RGS6: variants seen among roughly 807,000 people sequenced by gnomAD.
The protein encoded by RGS6 is regulator of G protein signaling 6.
Under a neutral mutation model 78.5 loss-of-function variants are expected in RGS6, and 30 were observed. The observed-to-expected ratio is 0.38, with a 90% confidence interval of 0.29 to 0.52. RGS6 has a LOEUF of 0.52. Among genes scored for constraint, RGS6 ranks in the 20% least tolerant of loss-of-function variants. The pLI is 0.85. For missense variants in RGS6, 495 were observed against 609.7 expected (o/e 0.81, Z 1.98); for synonymous variants, 206 against 206.0 (o/e 1.00, Z 0.00).
intron 2 of RGS6, among the ~76,000 whole-genome samples, chr14:72,184,369 AACACACACACACACACACACACACAC>A (rs10638767): frequency 7.1e-6 from 1 of 141,284 alleles, no homozygotes; most frequent in Non-Finnish European, 1.5e-5. Flanking sequence ...TTTACTTTCA[AACACACACACACACACACACACACAC>A]ACACACACAC....
intron 2 of RGS6, among the ~76,000 whole-genome samples, chr14:72,275,866 G>C (rs948642590): frequency 6.6e-6 from 1 of 152,168 alleles, no homozygotes; most frequent in South Asian, 2.1e-4. Context: ...AGCAGCTTTG[G>C]AGGGTACCTC....
intron 3 of RGS6, among the ~76,000 whole-genome samples, chr14:72,410,323 G>T (rs1393174718): frequency 9.2e-5 from 14 of 152,224 alleles, no homozygotes; most frequent in Non-Finnish European, 1.5e-5. Context: ...GGCCAGTGAT[G>T]ATGAGCATTT....
At chr14:72,252,448 T>C (rs973656581) in intron 2 of RGS6, among the ~76,000 whole-genome samples, 1 of 152,206 alleles carries the variant, frequency 6.6e-6, no homozygotes, top group African/African-American at 2.4e-5. Context: ...TTAGTGCTGA[T>C]CCCATTATAT....
chr14:72,081,623 T>C (rs1212248201), intron 2 of RGS6, among the ~76,000 whole-genome samples: 2 of 152,056 alleles, frequency 1.3e-5, no homozygotes, highest in African/African-American at 4.8e-5. Flanking sequence ...TTACTTCTCT[T>C]GTCTGAATGG....
At chr14:72,487,965 G>T (rs988581085) in intron 12 of RGS6, among the ~76,000 whole-genome samples, 9 of 152,132 alleles carry the variant, frequency 5.9e-5, no homozygotes, top group African/African-American at 2.2e-4. Context: ...CTGACTAGGA[G>T]TGCCTCTTAT....
chr14:71,981,871 A>G (rs4335721), intron 2 of RGS6, among the ~76,000 whole-genome samples: 49,914 of 128,224 alleles, frequency 0.39, 9,395 homozygotes, highest in East Asian at 0.48. Flanking sequence ...AATGGTGGGC[A>G]CCCCTCCCCC....
chr14:71,908,611 CACAATGAGGCCA>C, the RGS6 span, among the ~76,000 whole-genome samples: 1 of 152,110 alleles, frequency 6.6e-6, no homozygotes, highest in Non-Finnish European at 1.5e-5. Context: ...ATGTTCAGGG[CACAATGAGGCCA>C]CAGGAGGGGT....
At chr14:72,568,207 C>A (rs1292241624), downstream of RGS6, among the ~76,000 whole-genome samples, 2 of 152,192 alleles carry the variant, frequency 1.3e-5, no homozygotes, top group Non-Finnish European at 2.9e-5. Flanking sequence ...CCCAGAGCCA[C>A]CCTCATTCTG....
At chr14:72,496,358 TGG>T (rs2096645310) in intron 13 of RGS6, among the ~76,000 whole-genome samples, 1 of 152,206 alleles carries the variant, frequency 6.6e-6, no homozygotes, top group Non-Finnish European at 1.5e-5. Context: ...TAGCTTAAGA[TGG>T]TTCAGTTTCA....
At chr14:72,523,580 C>G (rs557525278) in intron 15 of RGS6, among the ~76,000 whole-genome samples, 2 of 152,280 alleles carry the variant, frequency 1.3e-5, no homozygotes, top group East Asian at 3.9e-4. Context: ...TTTGACCACA[C>G]GCATTGTTAG....
the RGS6 span, among the ~76,000 whole-genome samples, chr14:71,867,515 G>C: frequency 2.7e-4 from 41 of 152,256 alleles, no homozygotes; most frequent in African/African-American, 9.4e-4. Context: ...AAAAGCAGCT[G>C]TGTCTCACCT....
chr14:72,153,471 T>C (rs1470348312), intron 2 of RGS6, among the ~76,000 whole-genome samples: 4 of 152,218 alleles, frequency 2.6e-5, no homozygotes, highest in Non-Finnish European at 5.9e-5. Flanking sequence ...AACTTATCAG[T>C]GAGATCCCTC....
chr14:72,611,066 C>A, the RGS6 span, among the ~76,000 whole-genome samples: 2 of 152,220 alleles, frequency 1.3e-5, no homozygotes, highest in African/African-American at 4.8e-5. Flanking sequence ...ATTCTCCTCA[C>A]TGGGAGTCAT....
At chr14:72,190,749 G>C (rs1349278901) in intron 2 of RGS6, among the ~76,000 whole-genome samples, 1 of 152,200 alleles carries the variant, frequency 6.6e-6, no homozygotes, top group Non-Finnish European at 1.5e-5. Flanking sequence ...TGTTGGTGTG[G>C]TCCTAGCCTT....
At chr14:72,239,487 G>C (rs1350113006) in intron 2 of RGS6, among the ~76,000 whole-genome samples, 1 of 152,182 alleles carries the variant, frequency 6.6e-6, no homozygotes, top group Non-Finnish European at 1.5e-5. Context: ...TTTTTAGAGA[G>C]GCAGTGTGAT....
At chr14:72,541,247 A>C (rs901159031) in intron 17 of RGS6, 10 of 1,445,418 alleles carry the variant, frequency 6.9e-6, no homozygotes, top group Middle Eastern at 1.8e-4. Context: ...TGGTATACGT[A>C]TTTCATCCTT....
At chr14:72,421,112 A>G (rs2094154416) in intron 3 of RGS6, 1 of 150,722 alleles carries the variant, frequency 6.6e-6, no homozygotes, top group African/African-American at 2.4e-5. Flanking sequence ...TGTACCGATA[A>G]TCTGTCTTAA....
downstream of RGS6, among the ~76,000 whole-genome samples, chr14:72,568,273 G>T (rs1040757077): frequency 1.4e-5 from 2 of 141,696 alleles, no homozygotes; most frequent in Admixed American, 6.7e-5. Flanking sequence ...TCTTCGGGTG[G>T]CTGTGAATTA....
At chr14:72,004,282 A>G (rs760065294) in intron 2 of RGS6, among the ~76,000 whole-genome samples, 52 of 152,230 alleles carry the variant, frequency 3.4e-4, no homozygotes, top group Non-Finnish European at 1.2e-4. Flanking sequence ...CTAGGCTTTA[A>G]AAAATATGAA....
Sources: allele counts gnomAD v4.1 joint callset (sites outside exome capture counted in the v4.1 genomes callset), GRCh38; gene constraint gnomAD v4.1.1; transcripts MANE v1.5; gene names NCBI Gene and HGNC (gene_info 2026-07-23, HGNC 2026-07-21).